TAF13: variants seen among roughly 807,000 people sequenced by gnomAD.
TAF13 encodes TATA-box binding protein associated factor 13.
A neutral mutation model predicts 18.7 loss-of-function variants in TAF13; 9 were observed. That is an observed-to-expected ratio of 0.48 (90% CI 0.29 to 0.84). The LOEUF (loss-of-function observed/expected upper bound fraction) is 0.84. TAF13 is among the 40% of genes least tolerant of loss of function. The pLI is 0.08. For synonymous variants in TAF13, 49 were observed against 44.1 expected (o/e 1.11, Z -0.44); for missense variants, 105 against 146.5 (o/e 0.72, Z 1.46).
rs1664073992 is a variant in TAF13, at chr1:109,072,015, CACACACATATATATATATATATATATAT to C, written c.106+2944_106+2971del. 2.2e-3 allele frequency among the ~76,000 whole-genome samples: 8 copies of C among 3,596 alleles called. 1 individual carries two copies. The highest frequency in any genetic ancestry group is 8.3e-3 in the African/African-American group (8 of 966). 2.4% of individuals were successfully genotyped at this position (3,596 alleles called of 152,430 possible). ...ATATATATATATATATATATATATA[CACACACATATATATATATATATATATAT>C]ACACACACATATATATATATATATA... On this transcript the variant is annotated intron_variant, in intron 2 of 3. Transcript: ENST00000338366.
Position 109,066,706 on chromosome 1 carries a change from TTTTG to T in TAF13, c.107-478_107-475del, listed in dbSNP as rs561171126. The stretch of plus-strand genomic sequence containing the variant: ...TGAGAGACAGTTCTCCAAATACTTT[TTTTG>T]TTTGTTTGTTTGTTTGTTTTTCTTG... On this transcript the variant is annotated intron_variant, in intron 2 of 3. Transcript: ENST00000338366. Among the ~76,000 whole-genome samples, 195 of 151,960 alleles carry T rather than the reference TTTTG, an allele frequency of 1.3e-3. 4 individuals are homozygous for T. In the South Asian group the frequency reaches 0.034, roughly 26 times the overall value.
intron 2 of TAF13, among the ~76,000 whole-genome samples, chr1:109,071,016 A>G (rs1314557810): frequency 2.0e-5 from 3 of 152,216 alleles, no homozygotes; most frequent in Admixed American, 6.5e-5. Flanking sequence ...AAAAAATAAA[A>G]CAGTGTCTGG....
At chr1:109,067,563 A>G (rs930849315) in intron 2 of TAF13, among the ~76,000 whole-genome samples, 4 of 152,080 alleles carry the variant, frequency 2.6e-5, no homozygotes, top group African/African-American at 9.7e-5. Context: ...TGAGCTGAGA[A>G]TGCGCCACTG....
intron 3 of TAF13, 37 bp downstream of exon 3, chr1:109,066,098 C>A (rs1430379087): frequency 6.5e-7 from 1 of 1,536,584 alleles, no homozygotes; most frequent in South Asian, 1.2e-5. Context: ...CAAATCTATT[C>A]TTCAATTAAC....
chr1:109,072,878 TCAAG>T (rs940940504), intron 2 of TAF13, among the ~76,000 whole-genome samples: 10 of 150,762 alleles, frequency 6.6e-5, no homozygotes, highest in African/African-American at 2.2e-4. Flanking sequence ...CCACCTGGGT[TCAAG>T]CGAGCACGTC....
chr1:109,064,947 C>A (rs375249970), intron 3 of TAF13, among the ~76,000 whole-genome samples: 2 of 151,982 alleles, frequency 1.3e-5, no homozygotes, highest in African/African-American at 4.8e-5. Context: ...CTTTATTGTT[C>A]CTTTTTTGTT....
chr1:109,075,119 A>G, intron 1 of TAF13, 54 bp from the exon 2 acceptor site: 1 of 1,430,690 alleles, frequency 7.0e-7, no homozygotes, highest in Non-Finnish European at 9.5e-7. Context: ...TGCATTTGAT[A>G]TTTTAATAAT....
intron 2 of TAF13, among the ~76,000 whole-genome samples, chr1:109,067,623 A>G (rs1458565342): frequency 1.7e-4 from 26 of 152,066 alleles, no homozygotes; most frequent in Non-Finnish European, 1.9e-4. Context: ...AATAATAATA[A>G]TAATAAGAGA....
chr1:109,075,247 T>G (rs1382270733), intron 1 of TAF13, among the ~76,000 whole-genome samples, 182 bp from the exon 2 acceptor site: 1 of 151,942 alleles, frequency 6.6e-6, no homozygotes, highest in Non-Finnish European at 1.5e-5. Flanking sequence ...TTCCAACTCA[T>G]GCAAAAATGG....
intron 1 of TAF13, 90 bp from the exon 2 acceptor site, chr1:109,075,155 A>G (rs112027893): frequency 0.029 from 32,681 of 1,130,556 alleles, 608 homozygotes; most frequent in South Asian, 0.036. Context: ...TTTTCAACAG[A>G]TAGGCCAGAA....
rs1389449949 is a variant in TAF13, at chr1:109,074,767, G to A, written c.106+220C>T. Reference sequence around the variant, plus strand: ...TGCACTCCAGCCTGGGCGACAGAGCGAGACTCCGTCTCAAAAAAAAAAAAA... The same window carrying A: ...TGCACTCCAGCCTGGGCGACAGAGCAAGACTCCGTCTCAAAAAAAAAAAAA... On this transcript the variant is annotated intron_variant, in intron 2 of 3. Transcript: ENST00000338366. Among the ~76,000 whole-genome samples, 11 of 148,498 alleles carry A rather than the reference G, an allele frequency of 7.4e-5. No individual in the cohort carries two copies. The South Asian group carries it at 1.0e-3, about 14-fold the overall frequency.
intron 2 of TAF13, among the ~76,000 whole-genome samples, chr1:109,067,855 C>T (rs893587590): frequency 8.5e-5 from 13 of 152,128 alleles, no homozygotes; most frequent in Non-Finnish European, 2.9e-5. Flanking sequence ...ACTGATTTAC[C>T]CAAGGTCACA....
chr1:109,064,577 A>G lies in TAF13; in HGVS notation c.321T>C (p.Asn107=), dbSNP rs149005653. ...CTTTTCTAGCTCGTTTCAATTCTTC[A>G]TTCATAGTAAGCAAGTCTTTAACCC... is the stretch of plus-strand genomic sequence containing the variant. ...FARVKDLLTM[N]EELKRARKAF... is the part of the protein sequence containing the mutation. Residue 107 remains asparagine, a synonymous_variant, in exon 4 of 4, where the codon AAT becomes AAC. Coordinates refer to ENST00000338366, the MANE Select transcript of TAF13 (RefSeq NM_005645.4). 411 of 1,570,700 alleles carry G rather than the reference A, an allele frequency of 2.6e-4. 4 individuals are homozygous for G. The East Asian group carries it at 9.1e-3, about 35-fold the overall frequency.
intron 2 of TAF13, among the ~76,000 whole-genome samples, chr1:109,070,506 C>T (rs549504175): frequency 3.3e-5 from 5 of 152,232 alleles, no homozygotes; most frequent in South Asian, 2.1e-4. Context: ...CATGAGCCAC[C>T]GTGCCCGGCC....
chr1:109,072,227 G>A (rs1225214476), intron 2 of TAF13, among the ~76,000 whole-genome samples: 4 of 149,872 alleles, frequency 2.7e-5, no homozygotes, highest in South Asian at 4.2e-4. Context: ...AAATCTGTGC[G>A]GCCTCATCTC....
Position 109,066,188 on chromosome 1 carries a change from T to C in TAF13, c.151A>G (p.Thr51Ala). 6.2e-7 allele frequency: 1 copy of C among 1,613,174 alleles called. No homozygotes were observed. Among genetic ancestry groups the C allele is most frequent in the Non-Finnish European group, 8.5e-7 (1 of 1,179,730 alleles). ...YGFGDDQNPY[T>A]ESVDILEDLV... ...TCTTCAAGAATATCCACTGACTCAG[T>C]ATAAGGATTCTGGTCATCCCCAAAG... Residue 51 changes from threonine to alanine, a missense_variant, in exon 3 of 4, where the codon ACT becomes GCT. By Grantham distance (58) the Thr-to-Ala change is moderately conservative (BLOSUM62 0). Coordinates refer to ENST00000338366, the MANE Select transcript of TAF13 (RefSeq NM_005645.4).
chr1:109,075,930 T>G lies in TAF13; in HGVS notation c.18A>C (p.Glu6Asp). The G allele has an allele frequency of 6.2e-7, 1 of 1,614,236 alleles. No individual in the cohort carries two copies. Among genetic ancestry groups the G allele is most frequent in the Non-Finnish European group, 8.5e-7 (1 of 1,180,034 alleles). MADEEEDPTFEEENEE... is the reference protein window; with the variant it reads MADEEDDPTFEEENEE... ...AGAGACGGTCACTCACCGTGGGGTC[T>G]TCTTCCTCATCTGCCATCCCACTAG... The change falls in exon 1 of 4, where the codon GAA becomes GAC. Residue 6 changes from glutamate (E) to aspartate (D), a missense_variant. Physicochemically the swap from Glu to Asp is conservative, Grantham distance 45. Transcript: ENST00000338366.
chr1:109,068,955 T>C (rs1374960060), intron 2 of TAF13, among the ~76,000 whole-genome samples: 1 of 152,092 alleles, frequency 6.6e-6, no homozygotes, highest in Non-Finnish European at 1.5e-5. Flanking sequence ...AGAGCTGAGA[T>C]CATGCCAATG....
In TAF13 at chr1:109,064,406, C is replaced by CT. The variant is rs1663916504; in HGVS notation, c.*116dup. The CT allele has an allele frequency of 1.0e-6, 1 of 1,003,100 alleles. No homozygotes were observed. 62.1% of individuals were successfully genotyped at this position (1,003,100 alleles called of 1,614,324 possible). On this transcript the variant is annotated 3_prime_UTR_variant, in exon 4 of 4. Transcript: ENST00000338366. ...AAGGCATAAAAATAAAGGCTGAAAA[C>CT]TTTGTGTTTCTCCATCTTTCATTTA...
Sources: gnomAD v4.1 joint callset for allele counts (sites outside exome capture counted in the v4.1 genomes callset) on GRCh38, gnomAD v4.1.1 for gene constraint, MANE v1.5 for transcripts, NCBI Gene and HGNC (gene_info 2026-07-23, HGNC 2026-07-21) for gene names.